The following DOCK4 variants were observed in gnomAD, a reference collection of about 807,000 sequenced individuals.
DOCK4 encodes the protein dedicator of cytokinesis protein 4.
A neutral mutation model predicts 268.1 loss-of-function variants in DOCK4; 97 were observed. The observed-to-expected ratio is 0.36, with a 90% CI of 0.31 to 0.43. DOCK4 has a LOEUF of 0.43. DOCK4 is among the 20% of genes least tolerant of loss of function. DOCK4 has a pLI of 1.00. For missense variants in DOCK4, 2,145 were observed against 2,455.7 expected, an observed-to-expected ratio of 0.87 and a Z score of 2.67; for synonymous variants, 954 against 887.2, an observed-to-expected ratio of 1.08 and a Z score of -1.34.
At chr7:112,172,424 C>T (rs1287597082) in intron 1 of DOCK4, among the ~76,000 whole-genome samples, 1 of 152,172 alleles carries the variant, frequency 6.6e-6, no homozygotes, top group African/African-American at 2.4e-5. Flanking sequence ...AAGACTTGTT[C>T]TCTACTTCTA....
At chr7:111,998,408 T>G in intron 4 of DOCK4, 40 bp downstream of exon 4, 1 of 1,465,442 alleles carries the variant, frequency 6.8e-7, no homozygotes, top group Non-Finnish European at 9.2e-7. Flanking sequence ...GCAAAGGCTC[T>G]GTGAAAATCC....
At chr7:111,768,616 T>G (rs893841629) in intron 37 of DOCK4, among the ~76,000 whole-genome samples, 2 of 152,144 alleles carry the variant, frequency 1.3e-5, no homozygotes, top group Non-Finnish European at 2.9e-5. Flanking sequence ...TACAAGCCCT[T>G]GAAGAGGGGT....
At chr7:111,753,561 T>C (rs1796831034) in intron 42 of DOCK4, among the ~76,000 whole-genome samples, 1 of 152,226 alleles carries the variant, frequency 6.6e-6, no homozygotes, top group Non-Finnish European at 1.5e-5. Context: ...TGGACTTGCA[T>C]TAGAAAAGGT....
intron 30 of DOCK4, among the ~76,000 whole-genome samples, chr7:111,802,664 T>C (rs987368103): frequency 2.0e-5 from 3 of 152,240 alleles, no homozygotes; most frequent in Non-Finnish European, 4.4e-5. Context: ...ATGCACTTGC[T>C]TGAGTACTTT....
chr7:111,949,141 A>T (rs1014552839), intron 8 of DOCK4, among the ~76,000 whole-genome samples: 2 of 152,174 alleles, frequency 1.3e-5, no homozygotes, highest in Non-Finnish European at 2.9e-5. Context: ...CATGGACAGC[A>T]TGTTCTACTT....
intron 36 of DOCK4, among the ~76,000 whole-genome samples, chr7:111,775,915 G>A (rs1309289289): frequency 1.3e-5 from 2 of 152,190 alleles, no homozygotes; most frequent in African/African-American, 4.8e-5. Flanking sequence ...AAGTTCTTGG[G>A]AGAAAGGAAG....
chr7:111,900,927 A>G (rs1791088845), intron 14 of DOCK4, among the ~76,000 whole-genome samples: 1 of 152,230 alleles, frequency 6.6e-6, no homozygotes, highest in Admixed American at 6.5e-5. Context: ...GTCTCTATGA[A>G]GAAGGGGCTC....
At chr7:111,799,211 A>G (rs1800099749) in intron 30 of DOCK4, among the ~76,000 whole-genome samples, 1 of 152,222 alleles carries the variant, frequency 6.6e-6, no homozygotes, top group African/African-American at 2.4e-5. Context: ...GGCAAACTCC[A>G]TTTGCCAGGC....
At chr7:111,944,173 G>T (rs1482483715) in intron 10 of DOCK4, among the ~76,000 whole-genome samples, 2 of 152,208 alleles carry the variant, frequency 1.3e-5, no homozygotes, top group Non-Finnish European at 2.9e-5. Context: ...GAACATTAAA[G>T]TGGGTTCTGC....
intron 1 of DOCK4, among the ~76,000 whole-genome samples, chr7:112,132,535 C>T (rs1246979547): frequency 1.3e-5 from 2 of 151,764 alleles, no homozygotes; most frequent in Admixed American, 6.6e-5. Flanking sequence ...GCATGCCTGC[C>T]CTGAAAGGAC....
chr7:111,787,363 C>T (rs1273728823), intron 32 of DOCK4, among the ~76,000 whole-genome samples: 2 of 152,038 alleles, frequency 1.3e-5, no homozygotes, highest in South Asian at 4.2e-4. Flanking sequence ...TGCTAAACTC[C>T]AAGCTGCCAT....
At chr7:111,905,131 G>T (rs1282279087) in intron 13 of DOCK4, among the ~76,000 whole-genome samples, 1 of 152,202 alleles carries the variant, frequency 6.6e-6, no homozygotes, top group African/African-American at 2.4e-5. Context: ...AAAATATGCA[G>T]AAGGATCAAG....
chr7:111,899,030 A>T (rs1338661038), intron 15 of DOCK4, among the ~76,000 whole-genome samples: 1 of 152,228 alleles, frequency 6.6e-6, no homozygotes, highest in Admixed American at 6.5e-5. Context: ...TGGAAGAAAT[A>T]GTATGGCACC....
intron 27 of DOCK4, among the ~76,000 whole-genome samples, chr7:111,813,069 C>T (rs1801259117): frequency 1.3e-5 from 2 of 152,116 alleles, no homozygotes; most frequent in African/African-American, 2.4e-5. Context: ...TAATGTTTAA[C>T]ACAGCATTAT....
At chr7:111,970,559 G>A (rs1369801239) in intron 8 of DOCK4, among the ~76,000 whole-genome samples, 1 of 152,124 alleles carries the variant, frequency 6.6e-6, no homozygotes, top group East Asian at 1.9e-4. Context: ...CTTGAGGGCT[G>A]GAGAAGCCAT....
chr7:111,964,604 G>A (rs1334712618), intron 8 of DOCK4, among the ~76,000 whole-genome samples: 21 of 137,128 alleles, frequency 1.5e-4, no homozygotes, highest in African/African-American at 6.2e-4. Flanking sequence ...GTGATGGGGA[G>A]AATGGAACCA....
At chr7:111,969,621 A>G (rs1454026288) in intron 8 of DOCK4, among the ~76,000 whole-genome samples, 1 of 151,536 alleles carries the variant, frequency 6.6e-6, no homozygotes, top group East Asian at 1.9e-4. Context: ...TGGAGAGTCT[A>G]TTAGTTTGTA....
chr7:112,052,043 T>G (rs1805405246), intron 1 of DOCK4, among the ~76,000 whole-genome samples: 1 of 152,184 alleles, frequency 6.6e-6, no homozygotes, highest in Admixed American at 6.6e-5. Flanking sequence ...GTATAGTATT[T>G]GCATATGACC....
At position 111,940,801 on chromosome 7, in the gene DOCK4, TGTTTA is replaced by T. The variant is rs1391181333; in HGVS notation, c.845-564_845-560del. On this transcript the variant is annotated intron_variant, in intron 10 of 52. Transcript: ENST00000428084. ...GTTTTAACTTGTTTAAATTGTTACA[TGTTTA>T]AAAATATGTTATTAATACATTGTTT... is the stretch of plus-strand genomic sequence containing the variant. 5.9e-5 allele frequency among the ~76,000 whole-genome samples: 9 copies of T among 152,348 alleles called. No individual in the cohort carries two copies. In the East Asian group the frequency reaches 1.7e-3, roughly 29 times the overall value.
Sources: gnomAD v4.1 joint callset for allele counts (sites outside exome capture counted in the v4.1 genomes callset) on GRCh38, gnomAD v4.1.1 for gene constraint, MANE v1.5 for transcripts, NCBI Gene and HGNC (gene_info 2026-07-23, HGNC 2026-07-21) for gene names.